Variants in TMEFF2 observed in about 807,000 individuals in gnomAD.
The protein encoded by TMEFF2 is transmembrane protein with EGF like and two follistatin like domains 2.
Under a neutral mutation model 53.8 loss-of-function variants are expected in TMEFF2, and 28 were observed. The observed-to-expected ratio is 0.52, with a 90% CI of 0.39 to 0.71. The LOEUF is 0.71. Ranked by LOEUF, TMEFF2 falls within the 30% of genes least tolerant of loss-of-function variation. TMEFF2 has a pLI of 0.00. For synonymous variants in TMEFF2, 162 were observed against 166.3 expected (o/e 0.97, Z 0.20); for missense variants, 353 against 455.2 (o/e 0.78, Z 2.04).
chr2:192,025,883 G>GA (rs995728860), intron 5 of TMEFF2, among the ~76,000 whole-genome samples: 57 of 152,254 alleles, frequency 3.7e-4, no homozygotes, highest in Non-Finnish European at 6.3e-4. Context: ...AATACAAAGA[G>GA]AAAAATACAT....
At chr2:191,996,861 G>T (rs1427702239) in intron 7 of TMEFF2, among the ~76,000 whole-genome samples, 1 of 151,882 alleles carries the variant, frequency 6.6e-6, no homozygotes, top group Non-Finnish European at 1.5e-5. Flanking sequence ...GGACAGGGCT[G>T]GGTTAGCCAC....
intron 9 of TMEFF2, among the ~76,000 whole-genome samples, chr2:191,953,299 ACTT>A (rs1184457639): frequency 6.6e-6 from 1 of 152,204 alleles, no homozygotes; most frequent in Non-Finnish European, 1.5e-5. Flanking sequence ...AAGTACAACT[ACTT>A]GTATTTTTGC....
At chr2:192,055,645 C>T (rs4853657) in intron 5 of TMEFF2, among the ~76,000 whole-genome samples, 17,039 of 151,430 alleles carry the variant, frequency 0.11, 1,110 homozygotes, top group East Asian at 0.31. Flanking sequence ...CATGGTGGTG[C>T]GCACCTGTAA....
intron 4 of TMEFF2, among the ~76,000 whole-genome samples, chr2:192,172,975 A>C (rs1690951658): frequency 6.6e-6 from 1 of 151,958 alleles, no homozygotes; most frequent in Non-Finnish European, 1.5e-5. Flanking sequence ...CTACACATCC[A>C]AAAGCTGTTG....
intron 4 of TMEFF2, among the ~76,000 whole-genome samples, chr2:192,163,842 C>A (rs139368305): frequency 9.7e-4 from 148 of 152,252 alleles, no homozygotes; most frequent in African/African-American, 3.3e-3. Context: ...ATTTCTTTTT[C>A]TTCCCTTTTC....
intron 4 of TMEFF2, among the ~76,000 whole-genome samples, chr2:192,148,512 T>C (rs772624635): frequency 6.6e-5 from 10 of 152,178 alleles, no homozygotes; most frequent in East Asian, 1.9e-4. Flanking sequence ...GGAGTACTTA[T>C]TACTTTGCTT....
At chr2:192,025,937 G>A (rs986870177) in intron 5 of TMEFF2, among the ~76,000 whole-genome samples, 1 of 152,142 alleles carries the variant, frequency 6.6e-6, no homozygotes, top group Admixed American at 6.6e-5. Flanking sequence ...TCTAAACTGC[G>A]GAGTTGACTT....
chr2:192,105,752 A>G (rs761361506), intron 4 of TMEFF2, among the ~76,000 whole-genome samples: 80 of 151,992 alleles, frequency 5.3e-4, no homozygotes, highest in Non-Finnish European at 6.5e-4. Flanking sequence ...AAGGTAAAAA[A>G]GGATCCAAGT....
chr2:192,006,076 T>TTTA (rs397690138), intron 5 of TMEFF2, among the ~76,000 whole-genome samples: 3 of 151,066 alleles, frequency 2.0e-5, no homozygotes, highest in Admixed American at 1.3e-4. Flanking sequence ...TTTTTTTTTT[T>TTTA]AACTTATAGT....
intron 4 of TMEFF2, among the ~76,000 whole-genome samples, chr2:192,095,368 G>T (rs1688879526): frequency 6.6e-6 from 1 of 152,150 alleles, no homozygotes. Flanking sequence ...GCTCATGTCT[G>T]TAATCCCAGC....
chr2:191,976,205 T>C lies in TMEFF2; in HGVS notation c.746-19827A>G, dbSNP rs575178286. 3.9e-5 allele frequency among the ~76,000 whole-genome samples: 6 copies of C among 152,270 alleles called. No homozygotes were observed. The South Asian group carries it at 1.2e-3, about 32-fold the overall frequency. On this transcript the variant is annotated intron_variant, in intron 7 of 9. Coordinates refer to ENST00000272771, the MANE Select transcript of TMEFF2 (RefSeq NM_016192.4). Reference sequence around the variant, plus strand: ...TATTAGTTATGGGGCCCAAATCAAGTCAAATACTCCTCTGTAGATATTTCC... The same window carrying C: ...TATTAGTTATGGGGCCCAAATCAAGCCAAATACTCCTCTGTAGATATTTCC...
intron 4 of TMEFF2, among the ~76,000 whole-genome samples, chr2:192,090,218 T>C (rs938980394): frequency 1.3e-5 from 2 of 152,152 alleles, no homozygotes; most frequent in African/African-American, 4.8e-5. Context: ...GTGCCTAGCC[T>C]AGTGCTATCA....
At chr2:192,106,968 T>A (rs1271635986) in intron 4 of TMEFF2, among the ~76,000 whole-genome samples, 1 of 151,648 alleles carries the variant, frequency 6.6e-6, no homozygotes, top group African/African-American at 2.4e-5. Context: ...GAGTTAGGCA[T>A]GTCTATTTGG....
chr2:192,127,094 C>A (rs1411348095), intron 4 of TMEFF2, among the ~76,000 whole-genome samples: 1 of 152,166 alleles, frequency 6.6e-6, no homozygotes, highest in East Asian at 1.9e-4. Context: ...GCAACTCATC[C>A]CTCCACCAGG....
chr2:192,081,092 T>C (rs1361769157), intron 4 of TMEFF2, among the ~76,000 whole-genome samples: 1 of 152,194 alleles, frequency 6.6e-6, no homozygotes, highest in Non-Finnish European at 1.5e-5. Context: ...TTGTAACAGG[T>C]ATTTTCGGAT....
chr2:192,071,947 G>C (rs1688302565), intron 4 of TMEFF2, among the ~76,000 whole-genome samples: 1 of 151,902 alleles, frequency 6.6e-6, no homozygotes, highest in East Asian at 1.9e-4. Context: ...GAGTTCAGCA[G>C]CTTATAACTA....
At chr2:192,140,060 G>T (rs1428108707) in intron 4 of TMEFF2, among the ~76,000 whole-genome samples, 1 of 152,114 alleles carries the variant, frequency 6.6e-6, no homozygotes, top group Non-Finnish European at 1.5e-5. Context: ...ACCAGACACA[G>T]AATTTTAAAT....
intron 4 of TMEFF2, among the ~76,000 whole-genome samples, chr2:192,068,827 CA>C (rs1474307767): frequency 1.3e-5 from 2 of 151,454 alleles, no homozygotes; most frequent in Non-Finnish European, 3.0e-5. Context: ...ATAAATAGAC[CA>C]ATGAAATAAA....
intron 5 of TMEFF2, among the ~76,000 whole-genome samples, chr2:192,017,803 C>T (rs1333439834): frequency 6.6e-6 from 1 of 152,132 alleles, no homozygotes; most frequent in Non-Finnish European, 1.5e-5. Flanking sequence ...CTTCATATAT[C>T]CACTTGGGTG....
Sources: gnomAD v4.1 joint callset for allele counts (sites outside exome capture counted in the v4.1 genomes callset) on GRCh38, gnomAD v4.1.1 for gene constraint, MANE v1.5 for transcripts, NCBI Gene and HGNC (gene_info 2026-07-23, HGNC 2026-07-21) for gene names.